Variants in MTFMT observed in about 807,000 individuals in gnomAD.
The protein encoded by MTFMT is mitochondrial methionyl-tRNA formyltransferase.
Under a neutral mutation model 51.8 loss-of-function variants are expected in MTFMT, and 47 were observed. That is an observed-to-expected ratio of 0.91 (90% confidence interval 0.72 to 1.16). The LOEUF is 1.16. Among genes scored for constraint, MTFMT ranks in the 50% most tolerant of loss-of-function variants. The pLI is 0.00. For missense variants in MTFMT, 512 were observed against 482.3 expected, an observed-to-expected ratio of 1.06 and a Z score of -0.58; for synonymous variants, 196 against 176.7, an observed-to-expected ratio of 1.11 and a Z score of -0.87.
intron 6 of MTFMT, among the ~76,000 whole-genome samples, chr15:65,010,668 G>A (rs565641735): frequency 5.4e-4 from 82 of 152,162 alleles, no homozygotes; most frequent in South Asian, 4.2e-4. Context: ...ATGAAGATTC[G>A]GGTACACATT....
intron 7 of MTFMT, 108 bp downstream of exon 7, chr15:65,006,005 A>C: frequency 1.4e-6 from 1 of 705,918 alleles, no homozygotes; most frequent in South Asian, 1.8e-5. Flanking sequence ...CTGAACTGAA[A>C]CAAACTAAAA....
chr15:65,023,464 T>A (rs959398136), intron 3 of MTFMT, among the ~76,000 whole-genome samples: 1 of 152,116 alleles, frequency 6.6e-6, no homozygotes, highest in Non-Finnish European at 1.5e-5. Context: ...AATTCACATA[T>A]GGACTTTAAA....
chr15:65,004,903 C>G lies in MTFMT; in HGVS notation c.926G>C (p.Gly309Ala), dbSNP rs1241667672. Reference protein sequence around the residue: ...PKLTGQALIPGSVIYHKQSQI... With the variant: ...PKLTGQALIPASVIYHKQSQI... ...TGACTGTTTGTGGTATATTACTGATCCTGGAATAAGAGCCTGTCCCGTTAA... is the reference window on the plus strand; with the variant it reads ...TGACTGTTTGTGGTATATTACTGATGCTGGAATAAGAGCCTGTCCCGTTAA... Residue 309 changes from glycine (G) to alanine (A), a missense_variant, in exon 8 of 9, where the codon GGA (glycine) becomes GCA (alanine). Physicochemically the swap from Gly to Ala is moderately conservative, Grantham distance 60. Transcript: ENST00000220058. 1 of 1,612,156 alleles carries G rather than the reference C, an allele frequency of 6.2e-7. No homozygotes were observed. Among genetic ancestry groups the G allele is most frequent in the Admixed American group, 1.7e-5 (1 of 59,952 alleles).
intron 2 of MTFMT, among the ~76,000 whole-genome samples, chr15:65,024,702 A>T (rs1452237666): frequency 1.3e-5 from 2 of 152,094 alleles, no homozygotes; most frequent in Non-Finnish European, 2.9e-5. Flanking sequence ...AGAAAAAAAA[A>T]ATCCTGCCCT....
chr15:65,005,592 C>T (rs1425968219), intron 7 of MTFMT, among the ~76,000 whole-genome samples: 5 of 150,376 alleles, frequency 3.3e-5, no homozygotes, highest in Non-Finnish European at 7.4e-5. Context: ...TGCCTACTCC[C>T]CAGGGTCCTG....
At chr15:65,015,295 T>G (rs1208595019) in intron 6 of MTFMT, among the ~76,000 whole-genome samples, 1 of 152,132 alleles carries the variant, frequency 6.6e-6, no homozygotes, top group Non-Finnish European at 1.5e-5. Flanking sequence ...AATAATAGGA[T>G]TTGAAGTAAG....
At chr15:65,029,353 C>A (rs1055498935) in intron 1 of MTFMT, 52 bp downstream of exon 1, 3 of 1,354,862 alleles carry the variant, frequency 2.2e-6, no homozygotes, top group Non-Finnish European at 2.8e-6. Context: ...GCCGCCCGGG[C>A]GCGGCCTGGA....
At chr15:65,028,862 T>C (rs562809568) in intron 1 of MTFMT, among the ~76,000 whole-genome samples, 33 of 152,346 alleles carry the variant, frequency 2.2e-4, no homozygotes, top group African/African-American at 7.7e-4. Context: ...TATAAATTTA[T>C]TCTTTTGAAA....
intron 3 of MTFMT, among the ~76,000 whole-genome samples, chr15:65,022,693 C>T (rs1008993341): frequency 3.3e-5 from 5 of 149,782 alleles, no homozygotes; most frequent in African/African-American, 1.2e-4. Flanking sequence ...TCATCATATA[C>T]ACATCATTCA....
chr15:65,029,438 G>T lies in MTFMT; in HGVS notation c.176C>A (p.Ala59Asp). The change falls in exon 1 of 9, where the codon GCC (alanine) becomes GAC (aspartate). Residue 59 changes from alanine (A) to aspartate (D), a missense_variant. Coordinates refer to ENST00000220058, the MANE Select transcript of MTFMT (RefSeq NM_139242.4). ...RVLFFGTDQFAREALRALHAA... is the reference protein window; with the variant it reads ...RVLFFGTDQFDREALRALHAA... ...GTGCAGCGCCCGCAGCGCCTCGCGGGCGAACTGGTCCGTGCCGAAGAAGAG... is the reference window on the plus strand; with the variant it reads ...GTGCAGCGCCCGCAGCGCCTCGCGGTCGAACTGGTCCGTGCCGAAGAAGAG... 6.6e-7 allele frequency: 1 copy of T among 1,508,324 alleles called. No individual in the cohort carries two copies. Among genetic ancestry groups the T allele is most frequent in the Non-Finnish European group, 8.8e-7 (1 of 1,130,506 alleles). The allele number at this position is 1,508,324 out of a possible 1,614,324, so 93.4% of individuals were successfully genotyped here.
At position 65,028,577 on chromosome 15, in the gene MTFMT, G is replaced by T. The variant is rs148614272; in HGVS notation, c.209+828C>A. On this transcript the variant is annotated intron_variant, in intron 1 of 8. Coordinates refer to ENST00000220058, the MANE Select transcript of MTFMT (RefSeq NM_139242.4). Reference sequence around the variant, plus strand: ...AAGGAAAACCACACAGGGGATTGACGAAGGATTCAATACATGAGGGGCTGC... The same window carrying T: ...AAGGAAAACCACACAGGGGATTGACTAAGGATTCAATACATGAGGGGCTGC... Among the ~76,000 whole-genome samples, 570 of 152,228 alleles carry T rather than the reference G, an allele frequency of 3.7e-3. 2 individuals are homozygous for T. Among genetic ancestry groups the T allele is most frequent in the Admixed American group, 0.011 (162 of 15,290 alleles).
chr15:65,015,186 T>C (rs1377007593), intron 6 of MTFMT, among the ~76,000 whole-genome samples: 1 of 152,134 alleles, frequency 6.6e-6, no homozygotes, highest in Non-Finnish European at 1.5e-5. Flanking sequence ...ATAACTTTCC[T>C]GAGTCTACGA....
intron 3 of MTFMT, among the ~76,000 whole-genome samples, chr15:65,022,475 T>C (rs1202692635): frequency 6.6e-6 from 1 of 151,086 alleles, no homozygotes; most frequent in African/African-American, 2.4e-5. Flanking sequence ...AAAAAGTAAA[T>C]GCAAGTATAT....
intron 7 of MTFMT, among the ~76,000 whole-genome samples, chr15:65,005,785 T>C (rs1195616062): frequency 2.6e-5 from 4 of 152,092 alleles, no homozygotes; most frequent in Non-Finnish European, 5.9e-5. Flanking sequence ...AATTTTTGTA[T>C]TTAGTAGAGA....
At position 65,006,666 on chromosome 15, in the gene MTFMT, G is replaced by A. The variant is rs539989814; in HGVS notation, c.814-475C>T. ...GCTGGGATTACAGGCGTGAGCCACC[G>A]CGCCCGGCCGATTTATAAGATCTTA... On this transcript the variant is annotated intron_variant, in intron 6 of 8. Transcript: ENST00000220058. 1.4e-3 allele frequency among the ~76,000 whole-genome samples: 214 copies of A among 152,156 alleles called. 1 individual carries two copies. Among genetic ancestry groups the A allele is most frequent in the South Asian group, 0.011 (52 of 4,814 alleles).
intron 2 of MTFMT, 77 bp from the exon 3 acceptor site, chr15:65,023,871 C>T (rs967814198): frequency 2.3e-6 from 3 of 1,281,412 alleles, no homozygotes; most frequent in African/African-American, 1.5e-5. Context: ...TATTATGCTA[C>T]TTTTCATTAG....
At position 65,021,507 on chromosome 15, in the gene MTFMT, A is replaced by C. The variant is rs748079525; in HGVS notation, c.645+7T>G. 1 of 1,601,492 alleles carries C rather than the reference A, an allele frequency of 6.2e-7. No homozygotes were observed. On this transcript the variant is annotated splice_region_variant and intron_variant, in intron 4 of 8. Transcript: ENST00000220058. ...GTAAAAAGCAGTAGGATATTGGGGAATTATACCATGTTGGCACCCAGTCTT... is the reference window on the plus strand; with the variant it reads ...GTAAAAAGCAGTAGGATATTGGGGACTTATACCATGTTGGCACCCAGTCTT...
intron 8 of MTFMT, among the ~76,000 whole-genome samples, chr15:65,003,659 C>T (rs779954372): frequency 1.4e-4 from 21 of 151,066 alleles, no homozygotes; most frequent in Non-Finnish European, 2.8e-4. Context: ...GAATTCGTGA[C>T]CAGCCTGACC....
intron 3 of MTFMT, among the ~76,000 whole-genome samples, chr15:65,022,904 G>C (rs937918842): frequency 6.6e-6 from 1 of 151,798 alleles, no homozygotes; most frequent in Non-Finnish European, 1.5e-5. Context: ...TGCCCAGGCT[G>C]GTCTTGAACT....
Sources: gnomAD v4.1 joint callset for allele counts (sites outside exome capture counted in the v4.1 genomes callset) on GRCh38, gnomAD v4.1.1 for gene constraint, MANE v1.5 for transcripts, NCBI Gene and HGNC (gene_info 2026-07-23, HGNC 2026-07-21) for gene names.